Variants in RINT1 observed in about 807,000 individuals in gnomAD.
RINT1 encodes the protein RAD50 interactor 1.
RINT1 carries 75 observed loss-of-function variants against 97.7 expected under a neutral mutation model. That is an observed-to-expected ratio of 0.77 (90% CI 0.64 to 0.93). The LOEUF (loss-of-function observed/expected upper bound fraction) is 0.93, where lower values mean the gene tolerates loss of function less well. RINT1 is among the 40% of genes least tolerant of loss of function. The probability of loss-of-function intolerance (pLI) is 0.00; values close to 1 mark genes in which losing one functional copy is unlikely to be tolerated. For missense variants in RINT1, 892 were observed against 925.2 expected, an observed-to-expected ratio of 0.96 and a Z score of 0.47; for synonymous variants, 303 against 326.3, an observed-to-expected ratio of 0.93 and a Z score of 0.77.
At chr7:105,542,297 T>A in intron 3 of RINT1, 111 bp from the exon 4 acceptor site, 1 of 770,382 alleles carries the variant, frequency 1.3e-6, no homozygotes, top group South Asian at 1.8e-5. Context: ...ATGGTACCAC[T>A]GCACTCCAGC....
chr7:105,540,315 T>C (rs1347088045), intron 3 of RINT1, among the ~76,000 whole-genome samples: 1 of 152,040 alleles, frequency 6.6e-6, no homozygotes, highest in Non-Finnish European at 1.5e-5. Context: ...CAGGCTGGAG[T>C]GCAGTGGAGC....
intron 10 of RINT1, among the ~76,000 whole-genome samples, chr7:105,552,570 G>A (rs1373313861): frequency 6.6e-6 from 1 of 151,448 alleles, no homozygotes; most frequent in Non-Finnish European, 1.5e-5. Flanking sequence ...ACCATCCCTG[G>A]CCCTCTTCAC....
chr7:105,542,334 CAA>C, intron 3 of RINT1, 72 bp from the exon 4 acceptor site: 1 of 1,143,868 alleles, frequency 8.7e-7, no homozygotes, highest in Non-Finnish European at 1.2e-6. Flanking sequence ...GATCCCCTCT[CAA>C]AAAAAAAATT....
At chr7:105,561,518 CT>C (rs1170324913) in intron 11 of RINT1, among the ~76,000 whole-genome samples, 1 of 152,042 alleles carries the variant, frequency 6.6e-6, no homozygotes, top group Non-Finnish European at 1.5e-5. Flanking sequence ...CAGAGTGAGA[CT>C]CTTGTCTCAA....
At position 105,550,159 on chromosome 7, in the gene RINT1, C is replaced by T. The variant is rs770071693; in HGVS notation, c.1101C>T (p.Asn367=). The change falls in exon 8 of 15, where the codon AAC becomes AAT. Residue 367 remains asparagine (N), a synonymous_variant. Transcript: ENST00000257700. ...PILDKVGSLV[N]ARLEFSRGLM... ...TAGACAAAGTAGGCTCTTTGGTAAA[C>T]GCAAGGGTAAGAGACTCAGTCATAA... The T allele has an allele frequency of 1.6e-4, 259 of 1,611,470 alleles. 4 individuals are homozygous for T. The South Asian group carries it at 2.5e-3, about 16-fold the overall frequency.
At chr7:105,542,959 A>G (rs1790520034) in intron 4 of RINT1, among the ~76,000 whole-genome samples, 1 of 150,784 alleles carries the variant, frequency 6.6e-6, no homozygotes. Flanking sequence ...ATCTCGGCTC[A>G]CTGCAAGCTA....
intron 4 of RINT1, among the ~76,000 whole-genome samples, chr7:105,545,782 G>C (rs542575144): frequency 4.6e-5 from 7 of 150,940 alleles, no homozygotes; most frequent in African/African-American, 1.7e-4. Context: ...CACCCATGTT[G>C]GCCTCCCAAA....
chr7:105,554,380 C>A (rs1791081010), intron 10 of RINT1, among the ~76,000 whole-genome samples: 1 of 151,098 alleles, frequency 6.6e-6, no homozygotes, highest in Admixed American at 6.6e-5. Flanking sequence ...TATTGAAGTT[C>A]TTTCTTTTTT....
At chr7:105,565,676 T>A in intron 14 of RINT1, 28 bp downstream of exon 14, 1 of 1,413,648 alleles carries the variant, frequency 7.1e-7, no homozygotes, top group Non-Finnish European at 9.9e-7. Flanking sequence ...CAATTAATAT[T>A]AATGTATCAA....
rs755218444 is a variant in RINT1 at position 105,551,644 on chromosome 7, G to T, written c.1408G>T (p.Val470Leu). 2 of 1,612,370 alleles carry T rather than the reference G, an allele frequency of 1.2e-6. No homozygotes were observed. The part of the protein sequence containing the change: ...WVSQYKDITD[V>L]DEMKVPDCAE... The stretch of plus-strand genomic sequence containing the variant: ...ATCGCAATATAAGGATATCACTGAC[G>T]TGGATGAAATGAAAGTTCCAGATTG... The change falls in exon 10 of 15, where the codon GTG (valine) becomes TTG (leucine). Residue 470 changes from valine to leucine, a missense_variant. Physicochemically the swap from Val to Leu is conservative, Grantham distance 32. Transcript: ENST00000257700.
At chr7:105,564,632 A>G (rs1791608433) in intron 12 of RINT1, among the ~76,000 whole-genome samples, 1 of 152,168 alleles carries the variant, frequency 6.6e-6, no homozygotes, top group Non-Finnish European at 1.5e-5. Flanking sequence ...TGCCACACAG[A>G]GTGCTTAAAA....
intron 11 of RINT1, among the ~76,000 whole-genome samples, chr7:105,556,069 C>CTT (rs201517822): frequency 1.4e-5 from 2 of 143,050 alleles, no homozygotes; most frequent in Admixed American, 7.0e-5. Flanking sequence ...CACTCAACTT[C>CTT]TTTTTTTTTT....
At chr7:105,554,023 C>T (rs1586248525) in intron 10 of RINT1, among the ~76,000 whole-genome samples, 1 of 150,692 alleles carries the variant, frequency 6.6e-6, no homozygotes. Flanking sequence ...CTCAGCCTCC[C>T]GAGTAGCTGG....
chr7:105,564,007 G>A, intron 12 of RINT1, 60 bp downstream of exon 12: 2 of 1,262,904 alleles, frequency 1.6e-6, no homozygotes, highest in Non-Finnish European at 2.3e-6. Context: ...AAGAATATGT[G>A]GTCAGATTTT....
At chr7:105,566,926 A>C in intron 14 of RINT1, 193 bp from the exon 15 acceptor site, 1 of 380,580 alleles carries the variant, frequency 2.6e-6, no homozygotes, top group Non-Finnish European at 4.6e-6. Context: ...CCTTATAGTA[A>C]TCTAAAGAAA....
At chr7:105,537,966 C>CAATGGTGT (rs1474798174) in intron 3 of RINT1, among the ~76,000 whole-genome samples, 1 of 151,852 alleles carries the variant, frequency 6.6e-6, no homozygotes, top group Non-Finnish European at 1.5e-5. Flanking sequence ...CTCTACTTGG[C>CAATGGTGT]AATGGTGTGT....
At chr7:105,555,883 GGGAGGCTGAGGTGGGAGGATCACT>G (rs1165193764) in intron 11 of RINT1, among the ~76,000 whole-genome samples, 2 of 152,078 alleles carry the variant, frequency 1.3e-5, no homozygotes, top group Admixed American at 1.3e-4. Context: ...CGAGCTACTT[GGGAGGCTGAGGTGGGAGGATCACT>G]GGAGCCCAGA....
At chr7:105,552,089 G>A (rs1308845923) in intron 10 of RINT1, among the ~76,000 whole-genome samples, 1 of 151,954 alleles carries the variant, frequency 6.6e-6, no homozygotes, top group Non-Finnish European at 1.5e-5. Flanking sequence ...ATAAATAAGT[G>A]GCTCAGCAAA....
chr7:105,557,291 G>T (rs552443764), intron 11 of RINT1, among the ~76,000 whole-genome samples: 14 of 152,090 alleles, frequency 9.2e-5, no homozygotes, highest in Admixed American at 3.3e-4. Flanking sequence ...AATGTGATAG[G>T]TAAAGTGAGA....
Sources: gnomAD v4.1 joint callset for allele counts (sites outside exome capture counted in the v4.1 genomes callset) on GRCh38, gnomAD v4.1.1 for gene constraint, MANE v1.5 for transcripts, NCBI Gene and HGNC (gene_info 2026-07-23, HGNC 2026-07-21) for gene names.